The following PCDH12 variants were observed in gnomAD, a reference collection of about 807,000 sequenced individuals.
PCDH12 encodes the protein protocadherin 12, also known as protocadherin-12.
A neutral mutation model predicts 70.9 loss-of-function variants in PCDH12; 45 were observed. That is an observed-to-expected ratio of 0.63 (90% confidence interval 0.50 to 0.81). The LOEUF (loss-of-function observed/expected upper bound fraction) is 0.81, where lower values mean the gene tolerates loss of function less well. Ranked by LOEUF, PCDH12 falls within the 40% of genes least tolerant of loss-of-function variation. PCDH12 has a pLI of 0.00. For missense variants in PCDH12, 1,370 were observed against 1,491.7 expected (o/e 0.92, Z 1.34); for synonymous variants, 567 against 626.0 (o/e 0.91, Z 1.41).
At chr5:141,951,354 G>T in intron 2 of PCDH12, 139 bp downstream of exon 2, 1 of 655,460 alleles carries the variant, frequency 1.5e-6, no homozygotes. Context: ...CAGGGTGGGA[G>T]GATGGATGCT....
At chr5:141,947,472 G>C (rs1250670937) in intron 3 of PCDH12, among the ~76,000 whole-genome samples, 1 of 152,236 alleles carries the variant, frequency 6.6e-6, no homozygotes, top group Non-Finnish European at 1.5e-5. Flanking sequence ...GCTGAAAAGT[G>C]ATGCTGAATT....
rs751641087 is a variant in PCDH12, at chr5:141,945,511, C to T, written c.3425G>A (p.Cys1142Tyr). 1.4e-5 allele frequency: 23 copies of T among 1,613,576 alleles called. No homozygotes were observed. The highest frequency in any genetic ancestry group is 2.7e-5 in the African/African-American group (2 of 74,960). ...CAAGTCTAAACTGAGGGTCCTCCCG[C>T]AGACCGAGAGCCGCCGCAGCGCCTC... is the stretch of plus-strand genomic sequence containing the variant. ...ASEALRRLSV[C>Y]GRTLSLDLAT... Residue 1142 changes from cysteine to tyrosine, a missense_variant, in exon 4 of 4, where the codon TGC becomes TAC. Coordinates refer to ENST00000231484, the MANE Select transcript of PCDH12 (RefSeq NM_016580.4).
In PCDH12 at chr5:141,944,422, G is replaced by A. The variant is rs1752853111; in HGVS notation, c.*959C>T. 6.6e-6 allele frequency: 1 copy of A among 152,230 alleles called. No individual in the cohort carries two copies. Among genetic ancestry groups the A allele is most frequent in the South Asian group, 2.1e-4 (1 of 4,832 alleles). The allele number at this position is 152,230 out of a possible 1,614,324, so 9.4% of individuals were successfully genotyped here. On this transcript the variant is annotated 3_prime_UTR_variant, in exon 4 of 4. Coordinates refer to ENST00000231484, the MANE Select transcript of PCDH12 (RefSeq NM_016580.4). The stretch of plus-strand genomic sequence containing the variant: ...AATGTTCCTTTCAACAGTGTTTCCC[G>A]AGGGAGCTCGAGCAAGTTCACTGCT...
Position 141,955,939 on chromosome 5 carries a change from A to T in PCDH12, c.1913T>A (p.Ile638Asn), listed in dbSNP as rs750575148. Residue 638 changes from isoleucine (I) to asparagine (N), a missense_variant, in exon 1 of 4, where the codon ATC becomes AAC. Ile to Asn is a moderately radical substitution (Grantham distance 149). Transcript: ENST00000231484. This position sits in a 1 kb window ranked among gnomAD's most constrained non-coding sequence, Gnocchi z 5.5. ...GAGGTGGGCTTCATTTCCACTGCGG[A>T]TGCTGTAGAGGGGCTCTCCATTTGC... ...SGANGEPLYS[I>N]RSGNEAHLFI... The T allele has an allele frequency of 1.4e-5, 23 of 1,614,126 alleles. No homozygotes were observed. Among genetic ancestry groups the T allele is most frequent in the Non-Finnish European group, 1.9e-5 (22 of 1,180,032 alleles).
chr5:141,957,078 T>C lies in PCDH12; in HGVS notation c.774A>G (p.Ala258=), dbSNP rs1451472794. The C allele has an allele frequency of 6.2e-7, 1 of 1,614,054 alleles. No homozygotes were observed. The highest frequency in any genetic ancestry group is 2.2e-5 in the East Asian group (1 of 44,888). Residue 258 remains alanine, a synonymous_variant, in exon 1 of 4, where the codon GCA becomes GCG. Transcript: ENST00000231484. The surrounding 1 kb of genome is among the most constrained non-coding windows in gnomAD (Gnocchi z 4.3). The part of the protein sequence containing the change: ...SLALEIQEDA[A]PGTLLIKLTA... ...TCAGTTTTATGAGAAGCGTACCAGG[T>C]GCAGCATCTTCTTGGATTTCCAGTG... is the stretch of plus-strand genomic sequence containing the variant.
chr5:141,954,986 A>G lies in PCDH12; in HGVS notation c.2866T>C (p.Ser956Pro). The G allele has an allele frequency of 6.2e-7, 1 of 1,612,256 alleles. No individual in the cohort carries two copies. The highest frequency in any genetic ancestry group is 8.5e-7 in the Non-Finnish European group (1 of 1,178,650). Residue 956 changes from serine to proline, a missense_variant, in exon 1 of 4, where the codon TCT becomes CCT. Physicochemically the swap from Ser to Pro is moderately conservative, Grantham distance 74. Transcript: ENST00000231484. Reference sequence around the variant, plus strand: ...GCCCCAGGTACCTGAACAGGAGGAGAATCCACAGTGAGCTCCTCCACGGGG... The same window carrying G: ...GCCCCAGGTACCTGAACAGGAGGAGGATCCACAGTGAGCTCCTCCACGGGG... ...RNPVEELTVD[S>P]PPVQQISQLL...
chr5:141,956,527 G>T lies in PCDH12; in HGVS notation c.1325C>A (p.Ala442Asp). 1.2e-6 allele frequency: 2 copies of T among 1,614,220 alleles called. No individual in the cohort carries two copies. Among genetic ancestry groups the T allele is most frequent in the Non-Finnish European group, 1.7e-6 (2 of 1,180,042 alleles). The change falls in exon 1 of 4, where the codon GCC (alanine) becomes GAC (aspartate). Residue 442 changes from alanine to aspartate, a missense_variant. Ala to Asp is a moderately radical substitution (Grantham distance 126). Transcript: ENST00000231484. Reference protein sequence around the residue: ...AQDQGLQPLSAKKQLSIQISD... With the variant: ...AQDQGLQPLSDKKQLSIQISD... ...GATCTGAATGCTGAGCTGTTTCTTG[G>T]CTGATAAGGGCTGGAGTCCTTGGTC...
chr5:141,954,930 T>C (rs1444493752), intron 1 of PCDH12, 42 bp downstream of exon 1: 3 of 1,577,576 alleles, frequency 1.9e-6, no homozygotes, highest in Admixed American at 3.5e-5. Context: ...TTTCTGGTGG[T>C]CCAGGAGTGA....
rs750716917 is a variant in PCDH12 at position 141,956,729 on chromosome 5, G to A, written c.1123C>T (p.Leu375Phe). ...GAATCCAAGTCATCTGCCATGACAA[G>A]AGCAATAAAACTGTCCTTGGGAAGA... ...EALPKDSFIA[L>F]VMADDLDSGH... Residue 375 changes from leucine to phenylalanine, a missense_variant, in exon 1 of 4, where the codon CTT (leucine) becomes TTT (phenylalanine). Coordinates refer to ENST00000231484, the MANE Select transcript of PCDH12 (RefSeq NM_016580.4). 17 of 1,614,124 alleles carry A rather than the reference G, an allele frequency of 1.1e-5. No individual in the cohort carries two copies. The Admixed American group carries it at 2.8e-4, about 27-fold the overall frequency.
chr5:141,951,859 G>T (rs1230123613), intron 1 of PCDH12, among the ~76,000 whole-genome samples: 3 of 152,230 alleles, frequency 2.0e-5, no homozygotes, highest in East Asian at 3.8e-4. Context: ...TCATTCCTCC[G>T]AGTGTCCTGC....
chr5:141,947,162 C>G (rs1239622587), intron 3 of PCDH12, among the ~76,000 whole-genome samples: 1 of 152,236 alleles, frequency 6.6e-6, no homozygotes, highest in Non-Finnish European at 1.5e-5. Flanking sequence ...ATAAATGAAT[C>G]TCTGCCCTGC....
At position 141,949,513 on chromosome 5, in the gene PCDH12, C is replaced by T. The variant is rs1479594200; in HGVS notation, c.3049G>A (p.Gly1017Arg). Residue 1017 changes from glycine (G) to arginine (R), a missense_variant, in exon 3 of 4, where the codon GGG becomes AGG. Coordinates refer to ENST00000231484, the MANE Select transcript of PCDH12 (RefSeq NM_016580.4). ...GGQTDPEQEE[G>R]PLDPEEDLSV... ...AGGTCCTCTTCAGGATCCAAAGGCC[C>T]TTCCTCCTGTTCTGGGTCTGTCTGG... is the stretch of plus-strand genomic sequence containing the variant. 2 of 1,614,186 alleles carry T rather than the reference C, an allele frequency of 1.2e-6. No homozygotes were observed. The highest frequency in any genetic ancestry group is 1.1e-5 in the South Asian group (1 of 91,080).
intron 2 of PCDH12, among the ~76,000 whole-genome samples, chr5:141,950,639 G>T (rs1753062228): frequency 6.6e-6 from 1 of 152,140 alleles, no homozygotes; most frequent in South Asian, 2.1e-4. Flanking sequence ...TGACCCTGGA[G>T]TGTGTGGACT....
At position 141,955,276 on chromosome 5, in the gene PCDH12, G is replaced by A. The variant is rs767622193; in HGVS notation, c.2576C>T (p.Ser859Phe). The A allele has an allele frequency of 1.2e-6, 2 of 1,614,108 alleles. No homozygotes were observed. Among genetic ancestry groups the A allele is most frequent in the African/African-American group, 2.7e-5 (2 of 74,940 alleles). The change falls in exon 1 of 4, where the codon TCC becomes TTC. Residue 859 changes from serine (S) to phenylalanine (F), a missense_variant. Physicochemically the swap from Ser to Phe is radical, Grantham distance 155. Coordinates refer to ENST00000231484, the MANE Select transcript of PCDH12 (RefSeq NM_016580.4). This position sits in a 1 kb window ranked among gnomAD's most constrained non-coding sequence, Gnocchi z 5.5. ...LFNHPRQRNA[S>F]RENLNLPEPQ... ...CTCGGGAAGGTTCAGGTTCTCCCGGGAGGCATTCCTCTGCCTGGGATGGTT... is the reference window on the plus strand; with the variant it reads ...CTCGGGAAGGTTCAGGTTCTCCCGGAAGGCATTCCTCTGCCTGGGATGGTT...
rs148725434 is a variant in PCDH12, at chr5:141,951,653, A to T, written c.2881-63T>A. 82 of 1,207,974 alleles carry T rather than the reference A, an allele frequency of 6.8e-5. 1 individual carries two copies. In the East Asian group the frequency reaches 1.9e-3, roughly 28 times the overall value. The allele number at this position is 1,207,974 out of a possible 1,614,324, so 74.8% of individuals were successfully genotyped here. On this transcript the variant is annotated intron_variant, in intron 1 of 3. Coordinates refer to ENST00000231484, the MANE Select transcript of PCDH12 (RefSeq NM_016580.4). ...CCGACTCAGCACACTTCCTCGCCGG[A>T]TGTTTCCCTCAATGCCGGTGCTTTC...
rs1252931294 is a variant in PCDH12, at chr5:141,955,331, CCT to C, written c.2519_2520del (p.Glu840GlyfsTer57). The C allele has an allele frequency of 6.2e-7, 1 of 1,614,208 alleles. No homozygotes were observed. Among genetic ancestry groups the C allele is most frequent in the Non-Finnish European group, 8.5e-7 (1 of 1,180,030 alleles). ...AGGAGGTTGACCGTGTCTTGCAGCA[CCT>C]CTCGGCTCTCCGCCGGTGCTCCCTG... is the stretch of plus-strand genomic sequence containing the variant. ...GNQGAPAESR[E>X]VLQDTVNLLF... On this transcript the variant is annotated frameshift_variant, in exon 1 of 4. Coordinates refer to ENST00000231484, the MANE Select transcript of PCDH12 (RefSeq NM_016580.4). LOFTEE classifies it high-confidence loss of function. The surrounding 1 kb of genome is among the most constrained non-coding windows in gnomAD (Gnocchi z 5.5).
chr5:141,954,870 C>T, intron 1 of PCDH12, 102 bp downstream of exon 1: 1 of 1,436,884 alleles, frequency 7.0e-7, no homozygotes, highest in Non-Finnish European at 9.3e-7. Flanking sequence ...CCAGGTGAGC[C>T]TAAGGAAGAA....
chr5:141,957,321 A>T lies in PCDH12; in HGVS notation c.531T>A (p.Ser177Arg). The change falls in exon 1 of 4, where the codon AGT (serine) becomes AGA (arginine). Residue 177 changes from serine to arginine, a missense_variant. Physicochemically the swap from Ser to Arg is moderately radical, Grantham distance 110. Transcript: ENST00000231484. The surrounding 1 kb of genome is among the most constrained non-coding windows in gnomAD (Gnocchi z 4.3). ...NTLHTYTLSP[S>R]EHFALDVIVG... ...CAATGACATCCAAGGCAAAGTGCTC[A>T]CTGGGAGACAGAGTGTAGGTGTGCA... is the stretch of plus-strand genomic sequence containing the variant. 2 of 1,613,366 alleles carry T rather than the reference A, an allele frequency of 1.2e-6. No homozygotes were observed. The highest frequency in any genetic ancestry group is 3.3e-5 in the Admixed American group (2 of 59,974).
intron 2 of PCDH12, among the ~76,000 whole-genome samples, chr5:141,951,003 C>G (rs1753069957): frequency 6.6e-6 from 1 of 152,204 alleles, no homozygotes; most frequent in Admixed American, 6.5e-5. Flanking sequence ...TCAAGCTACT[C>G]AGAGCCTCAG....
Sources: gnomAD v4.1 joint callset for allele counts (sites outside exome capture counted in the v4.1 genomes callset) on GRCh38, gnomAD v4.1.1 for gene constraint, Gnocchi (gnomAD v3.1) non-coding constraint, MANE v1.5 for transcripts, NCBI Gene and HGNC (gene_info 2026-07-23, HGNC 2026-07-21) for gene names.